The following DIPK1A variants were observed in gnomAD, a reference collection of about 807,000 sequenced individuals.
DIPK1A encodes the protein family with sequence similarity 69 member A.
In DIPK1A, 27 loss-of-function variants were observed where a neutral mutation model predicts 40.8. That is an observed-to-expected ratio of 0.66 (90% CI 0.49 to 0.91). The LOEUF is 0.91. Among genes scored for constraint, DIPK1A ranks in the 40% least tolerant of loss-of-function variants. The pLI is 0.00. For synonymous variants in DIPK1A, 166 were observed against 171.3 expected, an observed-to-expected ratio of 0.97 and a Z score of 0.24; for missense variants, 412 against 505.7, an observed-to-expected ratio of 0.81 and a Z score of 1.78.
chr1:92,904,643 T>C (rs1649535474), intron 1 of DIPK1A, among the ~76,000 whole-genome samples: 1 of 152,136 alleles, frequency 6.6e-6, no homozygotes, highest in Non-Finnish European at 1.5e-5. Context: ...CAAGCATTTA[T>C]TTTTTCTTTA....
intron 4 of DIPK1A, chr1:92,836,053 A>G: frequency 2.7e-6 from 2 of 748,938 alleles, no homozygotes; most frequent in South Asian, 1.5e-5. Context: ...GAGCAAGTGG[A>G]TCTGGTGAAA....
rs114994891 is a variant in DIPK1A, at chr1:92,857,191, G to C, written c.190-6236C>G. ...GATTCCTCTAAAGAGGGAGGAAGGA[G>C]AATATCAGGCAGGATAAGAGAGCTT... On this transcript the variant is annotated intron_variant, in intron 2 of 4. Transcript: ENST00000370310. Among the ~76,000 whole-genome samples, 341 of 152,264 alleles carry C rather than the reference G, an allele frequency of 2.2e-3. 2 individuals are homozygous for C. Among genetic ancestry groups the C allele is most frequent in the African/African-American group, 7.8e-3 (323 of 41,570 alleles).
chr1:92,837,205 G>T (rs1687163952), downstream of DIPK1A: 1 of 646,790 alleles, frequency 1.5e-6, no homozygotes. Flanking sequence ...GACTAATTTT[G>T]TAGTGGTGGA....
chr1:92,843,984 T>G lies in DIPK1A; in HGVS notation c.686A>C (p.Glu229Ala). ...ATAAAGAGAGGTATATTCAACACTT[T>G]CCATCACATAGAGGTCACCACAGAA... Reference protein sequence around the residue: ...MGFCGDLYVMESVEYTSLYGI... With the variant: ...MGFCGDLYVMASVEYTSLYGI... Residue 229 changes from glutamate to alanine, a missense_variant, in exon 5 of 5, where the codon GAA (glutamate) becomes GCA (alanine). By Grantham distance (107) the Glu-to-Ala change is moderately radical. Coordinates refer to ENST00000370310, the MANE Select transcript of DIPK1A (RefSeq NM_001006605.5). The G allele has an allele frequency of 6.4e-7, 1 of 1,552,092 alleles. No individual in the cohort carries two copies. The highest frequency in any genetic ancestry group is 8.7e-7 in the Non-Finnish European group (1 of 1,147,072).
At chr1:92,914,745 G>T (rs1466673229) in intron 1 of DIPK1A, among the ~76,000 whole-genome samples, 3 of 150,384 alleles carry the variant, frequency 2.0e-5, no homozygotes, top group Non-Finnish European at 3.0e-5. Flanking sequence ...CTCCAGCCTG[G>T]GCAACAGAGT....
In DIPK1A at chr1:92,849,944, C is replaced by T. The variant is rs554379629; in HGVS notation, c.297+904G>A. On this transcript the variant is annotated intron_variant, in intron 3 of 4. Coordinates refer to ENST00000370310, the MANE Select transcript of DIPK1A (RefSeq NM_001006605.5). ...GTGCTGGGATTACAGGCCCGTGCCA[C>T]GGGCCCGGCTGTTTGTATTTTTTTA... is the stretch of plus-strand genomic sequence containing the variant. 5.3e-5 allele frequency among the ~76,000 whole-genome samples: 8 copies of T among 152,108 alleles called. No homozygotes were observed. In the South Asian group the frequency reaches 1.0e-3, roughly 20 times the overall value.
chr1:92,912,369 A>G (rs1649864633), intron 1 of DIPK1A, among the ~76,000 whole-genome samples: 1 of 152,126 alleles, frequency 6.6e-6, no homozygotes, highest in South Asian at 2.1e-4. Flanking sequence ...TTCATAACTT[A>G]CAAATATTAT....
chr1:92,895,218 C>A (rs1321508381), intron 1 of DIPK1A, among the ~76,000 whole-genome samples: 1 of 151,980 alleles, frequency 6.6e-6, no homozygotes, highest in Non-Finnish European at 1.5e-5. Context: ...GAATTTTAGA[C>A]CAATATCCCT....
chr1:92,940,212 G>C (rs1346054907), intron 1 of DIPK1A, among the ~76,000 whole-genome samples: 1 of 152,126 alleles, frequency 6.6e-6, no homozygotes, highest in Non-Finnish European at 1.5e-5. Context: ...GTAGAGATGA[G>C]TGTCCGACAT....
chr1:92,907,225 T>G (rs1649656851), intron 1 of DIPK1A, among the ~76,000 whole-genome samples: 1 of 152,116 alleles, frequency 6.6e-6, no homozygotes, highest in South Asian at 2.1e-4. Flanking sequence ...GGTCCTATAT[T>G]TTAGAACAGC....
At chr1:92,927,055 C>G (rs899485347) in intron 1 of DIPK1A, among the ~76,000 whole-genome samples, 1 of 152,080 alleles carries the variant, frequency 6.6e-6, no homozygotes, top group Non-Finnish European at 1.5e-5. Context: ...TGCTGTTTCT[C>G]TGTTCCTCTT....
chr1:92,961,359 G>A lies in DIPK1A; in HGVS notation c.54+17C>T. 6.7e-7 allele frequency: 1 copy of A among 1,500,214 alleles called. No homozygotes were observed. Among genetic ancestry groups the A allele is most frequent in the South Asian group, 1.2e-5 (1 of 81,962 alleles). The allele number at this position is 1,500,214 out of a possible 1,614,324, so 92.9% of individuals were successfully genotyped here. A position where few individuals can be genotyped will look rare whatever the true frequency, so the allele number is the denominator to read the frequency against. Reference sequence around the variant, plus strand: ...CGGGTGCTCCCGCAGCTGGTGGCTGGGCGGCCGCCGGCCTACCTGGAGGTA... The same window carrying A: ...CGGGTGCTCCCGCAGCTGGTGGCTGAGCGGCCGCCGGCCTACCTGGAGGTA... On this transcript the variant is annotated intron_variant, in intron 1 of 4. Transcript: ENST00000370310.
chr1:92,926,193 G>A (rs1204222887), intron 1 of DIPK1A, among the ~76,000 whole-genome samples: 2 of 151,970 alleles, frequency 1.3e-5, no homozygotes, highest in Non-Finnish European at 2.9e-5. Context: ...AACAATTAAA[G>A]CTATAAATTT....
At chr1:92,915,764 C>G (rs1650029364) in intron 1 of DIPK1A, among the ~76,000 whole-genome samples, 1 of 152,146 alleles carries the variant, frequency 6.6e-6, no homozygotes, top group Non-Finnish European at 1.5e-5. Context: ...CAATTTCATT[C>G]TTAAGTATAT....
intron 4 of DIPK1A, chr1:92,833,375 C>A: frequency 6.3e-7 from 1 of 1,597,408 alleles, no homozygotes; most frequent in South Asian, 1.1e-5. Context: ...TAATAACATT[C>A]TTTTTTCTTT....
exon 5 of DIPK1A, chr1:92,832,845 A>G: frequency 1.6e-6 from 1 of 606,970 alleles, no homozygotes. Flanking sequence ...TGCCCAGTTA[A>G]GCTTTGTGGC....
intron 4 of DIPK1A, among the ~76,000 whole-genome samples, chr1:92,844,527 A>T (rs1466980743): frequency 3.9e-5 from 6 of 152,222 alleles, no homozygotes; most frequent in Non-Finnish European, 7.3e-5. Context: ...CCACCGCCTC[A>T]TATGTGGACT....
chr1:92,937,039 A>G (rs1192773441), intron 1 of DIPK1A, among the ~76,000 whole-genome samples: 1 of 152,256 alleles, frequency 6.6e-6, no homozygotes, highest in African/African-American at 2.4e-5. Context: ...CATGAGTTTT[A>G]CTATGTAATA....
chr1:92,888,149 C>G (rs1383288331), intron 1 of DIPK1A, among the ~76,000 whole-genome samples: 1 of 152,012 alleles, frequency 6.6e-6, no homozygotes, highest in Admixed American at 6.6e-5. Flanking sequence ...TCTAGCTGTG[C>G]TTTTGTTATC....
Sources: gnomAD v4.1 joint callset for allele counts (sites outside exome capture counted in the v4.1 genomes callset) on GRCh38, gnomAD v4.1.1 for gene constraint, MANE v1.5 for transcripts, NCBI Gene and HGNC (gene_info 2026-07-23, HGNC 2026-07-21) for gene names.